Variants in ANKRD6 observed in about 807,000 individuals in gnomAD.
ANKRD6 encodes the protein ankyrin repeat domain 6.
In ANKRD6, 56 loss-of-function variants were observed where a neutral mutation model predicts 82.3. That is an observed-to-expected ratio of 0.68 (90% confidence interval 0.55 to 0.85). The LOEUF is 0.85. Ranked by LOEUF, ANKRD6 falls within the 40% of genes least tolerant of loss-of-function variation. The pLI is 0.00. For missense variants in ANKRD6, 852 were observed against 907.6 expected, an observed-to-expected ratio of 0.94 and a Z score of 0.79; for synonymous variants, 347 against 352.1, an observed-to-expected ratio of 0.99 and a Z score of 0.16.
chr6:89,456,922 C>G (rs1330952982), intron 1 of ANKRD6, among the ~76,000 whole-genome samples: 3 of 152,162 alleles, frequency 2.0e-5, no homozygotes, highest in Non-Finnish European at 4.4e-5. Flanking sequence ...ATAAATCAGT[C>G]AGTCAGGAAT....
At chr6:89,623,161 G>A (rs1804258563) in intron 10 of ANKRD6, among the ~76,000 whole-genome samples, 1 of 151,902 alleles carries the variant, frequency 6.6e-6, no homozygotes, top group East Asian at 1.9e-4. Flanking sequence ...ACATCGAATT[G>A]GACCCAGGAA....
rs181743848 is a variant in ANKRD6, at chr6:89,542,196, G to A, written c.-143-24638G>A. Among the ~76,000 whole-genome samples the A allele has an allele frequency of 3.9e-3, 590 of 152,196 alleles. 1 individual carries two copies. The highest frequency in any genetic ancestry group is 6.3e-3 in the Non-Finnish European group (431 of 67,998). On this transcript the variant is annotated intron_variant, in intron 1 of 15. Transcript: ENST00000339746. ...ACGTGCTCTTCTGTTTCTGTATTTC[G>A]TGTACCTTGGTAGTTAGATTTCCTG...
intron 1 of ANKRD6, among the ~76,000 whole-genome samples, chr6:89,472,463 T>A (rs1046751049): frequency 1.3e-5 from 2 of 152,210 alleles, no homozygotes; most frequent in Non-Finnish European, 2.9e-5. Flanking sequence ...TAACTTGAAT[T>A]TTGCTCCCTT....
At chr6:89,507,284 A>G (rs1779986373) in intron 1 of ANKRD6, among the ~76,000 whole-genome samples, 1 of 152,214 alleles carries the variant, frequency 6.6e-6, no homozygotes. Context: ...ATGTAAAAAT[A>G]TATTCTCAGT....
chr6:89,605,220 A>G (rs1798233899), intron 4 of ANKRD6, among the ~76,000 whole-genome samples: 1 of 152,136 alleles, frequency 6.6e-6, no homozygotes, highest in African/African-American at 2.4e-5. Context: ...TGTCTCTACT[A>G]AAAATACAAA....
At chr6:89,440,773 T>C (rs1234987232) in intron 1 of ANKRD6, among the ~76,000 whole-genome samples, 1 of 150,512 alleles carries the variant, frequency 6.6e-6, no homozygotes, top group Non-Finnish European at 1.5e-5. Context: ...GCCACTGCAC[T>C]CCAGCCTAGG....
At chr6:89,623,022 T>TGG (rs1171985900) in intron 10 of ANKRD6, among the ~76,000 whole-genome samples, 880 of 51,290 alleles carry the variant, frequency 0.017, 4 homozygotes, top group Non-Finnish European at 0.028. Context: ...GAGTGGGGGG[T>TGG]GGGGGGGGCG....
At position 89,623,949 on chromosome 6, in the gene ANKRD6, C is replaced by A. The variant is rs1399741112; in HGVS notation, c.1110C>A (p.His370Gln). The change falls in exon 12 of 16, where the codon CAC (histidine) becomes CAA (glutamine). Residue 370 changes from histidine to glutamine, a missense_variant. Physicochemically the swap from His to Gln is conservative, Grantham distance 24. Transcript: ENST00000339746. Reference sequence around the variant, plus strand: ...AGAAGAACCTGCATGCTCATAATCACCCTAAAAAGAGGAACAGGCATCGGT... The same window carrying A: ...AGAAGAACCTGCATGCTCATAATCAACCTAAAAAGAGGAACAGGCATCGGT... ...GHQKNLHAHN[H>Q]PKKRNRHRCS... 2 of 1,613,930 alleles carry A rather than the reference C, an allele frequency of 1.2e-6. No individual in the cohort carries two copies. The highest frequency in any genetic ancestry group is 2.2e-5 in the South Asian group (2 of 91,086).
intron 2 of ANKRD6, among the ~76,000 whole-genome samples, chr6:89,588,340 C>T (rs1271705862): frequency 6.6e-6 from 1 of 152,152 alleles, no homozygotes; most frequent in East Asian, 1.9e-4. Flanking sequence ...ACTTTCTTGC[C>T]TCCTACTACC....
chr6:89,610,228 T>C (rs1246853944), intron 5 of ANKRD6, among the ~76,000 whole-genome samples: 2 of 152,182 alleles, frequency 1.3e-5, no homozygotes, highest in Non-Finnish European at 2.9e-5. Flanking sequence ...AATGTTTCCA[T>C]TGCCCCTTAA....
intron 1 of ANKRD6, among the ~76,000 whole-genome samples, chr6:89,529,973 G>A (rs1464066768): frequency 1.3e-5 from 2 of 152,182 alleles, no homozygotes; most frequent in African/African-American, 2.4e-5. Flanking sequence ...CAGTTTGAGG[G>A]CTGGGCATGG....
chr6:89,580,249 G>C lies in ANKRD6; in HGVS notation c.120+13153G>C, dbSNP rs571559492. On this transcript the variant is annotated intron_variant, in intron 2 of 15. Coordinates refer to ENST00000339746, the MANE Select transcript of ANKRD6 (RefSeq NM_001242809.2). Reference sequence around the variant, plus strand: ...AAAGATAACTCTCTTAATTGTTACAGATGAGGAAACAGAAGCTTCAAGAGG... The same window carrying C: ...AAAGATAACTCTCTTAATTGTTACACATGAGGAAACAGAAGCTTCAAGAGG... 3.3e-5 allele frequency among the ~76,000 whole-genome samples: 5 copies of C among 150,136 alleles called. No individual in the cohort carries two copies. In the South Asian group the frequency reaches 1.1e-3, roughly 32 times the overall value.
intron 1 of ANKRD6, among the ~76,000 whole-genome samples, chr6:89,460,909 C>CTTTTTTTTTTTTTTTTTTTT (rs143153320): frequency 3.7e-5 from 5 of 135,898 alleles, no homozygotes; most frequent in African/African-American, 5.6e-5. Context: ...TTTTGGAATT[C>CTTTTTTTTTTTTTTTTTTTT]TTTTTTTTTG....
chr6:89,566,847 C>A lies in ANKRD6; in HGVS notation c.-130C>A. ...TGTAACCCCTAGGTCCCGAAGATGG[C>A]ATATTCATAAAGACATCTTCTGATG... On this transcript the variant is annotated 5_prime_UTR_variant, in exon 2 of 16. Transcript: ENST00000339746. The A allele has an allele frequency of 7.7e-7, 1 of 1,298,034 alleles. No individual in the cohort carries two copies. Among genetic ancestry groups the A allele is most frequent in the Non-Finnish European group, 1.1e-6 (1 of 949,024 alleles). The allele number at this position is 1,298,034 out of a possible 1,614,324, so 80.4% of individuals were successfully genotyped here. A position where few individuals can be genotyped will look rare whatever the true frequency, so the allele number is the denominator to read the frequency against.
At chr6:89,619,919 T>G (rs532877418) in intron 9 of ANKRD6, 2 of 152,268 alleles carry the variant, frequency 1.3e-5, no homozygotes, top group Non-Finnish European at 2.9e-5. Context: ...TGGTGCAATC[T>G]CAGCTCACTG....
In ANKRD6 at chr6:89,633,591, T is replaced by C. The variant is rs1563213641; in HGVS notation, c.*2587T>C. On this transcript the variant is annotated 3_prime_UTR_variant, in exon 16 of 16. Coordinates refer to ENST00000339746, the MANE Select transcript of ANKRD6 (RefSeq NM_001242809.2). ...TTTTTTTAAAGAAATTGTTAGTGCA[T>C]TATTGAGTATACTAAATATCTGTGA... 6.6e-6 allele frequency: 1 copy of C among 152,192 alleles called. No homozygotes were observed. Among genetic ancestry groups the C allele is most frequent in the Non-Finnish European group, 1.5e-5 (1 of 68,018 alleles). The allele number at this position is 152,192 out of a possible 1,614,324, so 9.4% of individuals were successfully genotyped here.
chr6:89,545,396 T>TA (rs1198580440), intron 1 of ANKRD6, among the ~76,000 whole-genome samples: 3 of 152,120 alleles, frequency 2.0e-5, no homozygotes, highest in Non-Finnish European at 4.4e-5. Context: ...CCTGTAGCGG[T>TA]AGTCCCACTC....
intron 1 of ANKRD6, among the ~76,000 whole-genome samples, chr6:89,436,917 T>C (rs1182202144): frequency 6.6e-6 from 1 of 152,152 alleles, no homozygotes; most frequent in African/African-American, 2.4e-5. Context: ...TTCTCTCTCT[T>C]TTATAGGGAA....
chr6:89,601,777 T>G (rs1281190310), intron 3 of ANKRD6: 1 of 152,220 alleles, frequency 6.6e-6, no homozygotes. Flanking sequence ...TTAATGTGCA[T>G]TGTTTGTTAC....
Sources: allele counts gnomAD v4.1 joint callset (sites outside exome capture counted in the v4.1 genomes callset), GRCh38; gene constraint gnomAD v4.1.1; transcripts MANE v1.5; gene names NCBI Gene and HGNC (gene_info 2026-07-23, HGNC 2026-07-21).